LRRC39: variants seen among roughly 807,000 people sequenced by gnomAD.
LRRC39 encodes the protein leucine-rich repeat-containing protein 39.
LRRC39 carries 35 observed loss-of-function variants against 39.7 expected under a neutral mutation model. The ratio of observed to expected loss-of-function variants is 0.88; its 90% confidence interval spans 0.67 to 1.17. LRRC39 has a LOEUF of 1.17. Among genes scored for constraint, LRRC39 ranks in the 50% most tolerant of loss-of-function variants. The pLI is 0.00. For missense variants in LRRC39, 357 were observed against 385.8 expected (o/e 0.93, Z 0.62); for synonymous variants, 113 against 134.1 (o/e 0.84, Z 1.09).
intron 3 of LRRC39, among the ~76,000 whole-genome samples, chr1:100,166,791 G>A (rs1659276864): frequency 1.3e-5 from 2 of 152,106 alleles, no homozygotes; most frequent in South Asian, 2.1e-4. Flanking sequence ...GTAATGAGGA[G>A]CCACATGTTA....
upstream of LRRC39, among the ~76,000 whole-genome samples, chr1:100,178,561 A>T (rs1660099036): frequency 6.6e-6 from 1 of 152,162 alleles, no homozygotes; most frequent in South Asian, 2.1e-4. Flanking sequence ...CCAGTAAACC[A>T]TGGATCTGCA....
rs1268806098 is a variant in LRRC39 at position 100,149,020 on chromosome 1, T to C, written c.*22A>G. The C allele has an allele frequency of 6.4e-7, 1 of 1,554,234 alleles. No individual in the cohort carries two copies. The highest frequency in any genetic ancestry group is 8.7e-7 in the Non-Finnish European group (1 of 1,154,522). ...GAGAATTCACCAAAGTAATCCTCTT[T>C]AGAAGGGCATCTTGAATTATATTAT... On this transcript the variant is annotated 3_prime_UTR_variant, in exon 10 of 10. Transcript: ENST00000370137.
At position 100,156,256 on chromosome 1, in the gene LRRC39, G is replaced by A. The variant is rs1044503597; in HGVS notation, c.575C>T (p.Pro192Leu). 1.7e-5 allele frequency: 28 copies of A among 1,613,832 alleles called. No individual in the cohort carries two copies. Among genetic ancestry groups the A allele is most frequent in the Admixed American group, 3.3e-5 (2 of 59,984 alleles). Residue 192 changes from proline to leucine, a missense_variant, in exon 7 of 10, where the codon CCT becomes CTT. Physicochemically the swap from Pro to Leu is moderately conservative, Grantham distance 98. Coordinates refer to ENST00000370137, the MANE Select transcript of LRRC39 (RefSeq NM_144620.4). The part of the protein sequence containing the change: ...DLSMNDFTTI[P>L]LAVLNMPALE... Reference sequence around the variant, plus strand: ...GGCAGGCATGTTCAACACAGCAAGAGGGATTGTAGTAAAATCGTTCATACT... The same window carrying A: ...GGCAGGCATGTTCAACACAGCAAGAAGGATTGTAGTAAAATCGTTCATACT...
intron 3 of LRRC39, among the ~76,000 whole-genome samples, chr1:100,167,782 AAT>A (rs1557928286): frequency 5.3e-3 from 49 of 9,308 alleles, no homozygotes; most frequent in Non-Finnish European, 9.6e-3. Flanking sequence ...TTTCAAAAAT[AAT>A]AATAATAATA....
chr1:100,170,052 C>A (rs573021639), intron 2 of LRRC39, among the ~76,000 whole-genome samples: 5 of 152,118 alleles, frequency 3.3e-5, no homozygotes, highest in Admixed American at 6.5e-5. Context: ...AAGACAAAAT[C>A]CTGAGTGTTG....
chr1:100,158,549 T>C (rs1397236072), intron 5 of LRRC39, among the ~76,000 whole-genome samples, 182 bp from the exon 6 acceptor site: 2 of 152,180 alleles, frequency 1.3e-5, no homozygotes, highest in African/African-American at 2.4e-5. Context: ...GCCATTTTCC[T>C]GCCTCAGCCT....
upstream of LRRC39, among the ~76,000 whole-genome samples, chr1:100,179,078 T>C (rs148381460): frequency 3.3e-5 from 5 of 152,352 alleles, no homozygotes; most frequent in African/African-American, 1.2e-4. Context: ...AACTGTTTCA[T>C]ATTAGTATAT....
chr1:100,164,812 C>G (rs1469419559), intron 3 of LRRC39, among the ~76,000 whole-genome samples: 1 of 152,008 alleles, frequency 6.6e-6, no homozygotes, highest in African/African-American at 2.4e-5. Context: ...AATTGATCCT[C>G]CCGCCTCACC....
At chr1:100,176,956 T>C (rs895579186) in intron 1 of LRRC39, among the ~76,000 whole-genome samples, 2 of 151,948 alleles carry the variant, frequency 1.3e-5, no homozygotes, top group Non-Finnish European at 2.9e-5. Context: ...AGAACACCGA[T>C]ATCCACATCT....
chr1:100,166,081 A>G (rs1557927659), intron 3 of LRRC39, among the ~76,000 whole-genome samples: 1 of 151,686 alleles, frequency 6.6e-6, no homozygotes, highest in Non-Finnish European at 1.5e-5. Context: ...CTCTTTGCTG[A>G]CTGTCATGTA....
rs1658605858 is a variant in LRRC39 at position 100,158,268 on chromosome 1, A to G, written c.476T>C (p.Leu159Pro). 3 of 1,614,058 alleles carry G rather than the reference A, an allele frequency of 1.9e-6. No individual in the cohort carries two copies. Among genetic ancestry groups the G allele is most frequent in the Non-Finnish European group, 2.5e-6 (3 of 1,179,966 alleles). The part of the protein sequence containing the change: ...SNCASLEKLE[L>P]AVNRDICDLP... ...ATCACATATATCTCTGTTAACAGCC[A>G]GTTCTAGTTTCTCCAAGCTGGCACA... is the stretch of plus-strand genomic sequence containing the variant. The change falls in exon 6 of 10, where the codon CTG becomes CCG. Residue 159 changes from leucine (L) to proline (P), a missense_variant. Physicochemically the swap from Leu to Pro is moderately conservative, Grantham distance 98. Coordinates refer to ENST00000370137, the MANE Select transcript of LRRC39 (RefSeq NM_144620.4).
At chr1:100,151,622 A>G (rs1369021349) in intron 9 of LRRC39, among the ~76,000 whole-genome samples, 2 of 152,198 alleles carry the variant, frequency 1.3e-5, no homozygotes, top group South Asian at 2.1e-4. Context: ...TTATAAGACT[A>G]TGATTTCTGT....
intron 3 of LRRC39, among the ~76,000 whole-genome samples, chr1:100,160,938 A>G (rs1658834707): frequency 2.0e-5 from 3 of 152,140 alleles, no homozygotes; most frequent in East Asian, 3.9e-4. Context: ...TTATATATAT[A>G]TATTTTAATT....
chr1:100,159,364 G>A lies in LRRC39; in HGVS notation c.271C>T (p.His91Tyr). Residue 91 changes from histidine (H) to tyrosine (Y), a missense_variant, in exon 5 of 10, where the codon CAT becomes TAT. Transcript: ENST00000370137. Reference protein sequence around the residue: ...KLNQLQEWQLHRTGLLKIPEF... With the variant: ...KLNQLQEWQLYRTGLLKIPEF... ...GGAATTTTCAGCAAACCAGTTCTAT[G>A]AAGTTGCCATTCCTGTAGTTGATTC... The A allele has an allele frequency of 6.2e-7, 1 of 1,611,924 alleles. No individual in the cohort carries two copies. The highest frequency in any genetic ancestry group is 8.5e-7 in the Non-Finnish European group (1 of 1,178,926).
intron 2 of LRRC39, among the ~76,000 whole-genome samples, chr1:100,172,255 G>A (rs1020695090): frequency 1.4e-4 from 22 of 152,142 alleles, no homozygotes; most frequent in African/African-American, 4.3e-4. Context: ...CAGATTATGA[G>A]ATTAGCATAT....
intron 5 of LRRC39, 145 bp from the exon 6 acceptor site, chr1:100,158,512 A>AC: frequency 1.7e-6 from 1 of 602,362 alleles, no homozygotes; most frequent in Admixed American, 3.6e-5. Context: ...ATCTCGGCTC[A>AC]CTGCAAGCTC....
intron 9 of LRRC39, chr1:100,149,537 G>C: frequency 6.7e-6 from 8 of 1,187,950 alleles, no homozygotes; most frequent in Non-Finnish European, 9.2e-6. Flanking sequence ...TCACAAATTT[G>C]AAATAATTTC....
Position 100,165,235 on chromosome 1 carries a change from T to G in LRRC39, c.113+3169A>C, listed in dbSNP as rs74409618. Among the ~76,000 whole-genome samples, 437 of 152,244 alleles carry G rather than the reference T, an allele frequency of 2.9e-3. 4 individuals are homozygous for G. Among genetic ancestry groups the G allele is most frequent in the Non-Finnish European group, 4.2e-3 (283 of 68,010 alleles). On this transcript the variant is annotated intron_variant, in intron 3 of 9. Transcript: ENST00000370137. ...AGTAGAAGCTGATTTTGGTCTAACTTAACTTTTGGAAATTACATTTTGCTA... is the reference window on the plus strand; with the variant it reads ...AGTAGAAGCTGATTTTGGTCTAACTGAACTTTTGGAAATTACATTTTGCTA...
At chr1:100,154,229 C>A (rs1478323459) in intron 8 of LRRC39, among the ~76,000 whole-genome samples, 1 of 152,036 alleles carries the variant, frequency 6.6e-6, no homozygotes, top group Admixed American at 6.6e-5. Flanking sequence ...CCAAAAGAGA[C>A]AAGACACCCA....
Sources: allele counts gnomAD v4.1 joint callset (sites outside exome capture counted in the v4.1 genomes callset), GRCh38; gene constraint gnomAD v4.1.1; transcripts MANE v1.5; gene names NCBI Gene and HGNC (gene_info 2026-07-23, HGNC 2026-07-21).